N4BP2L1: variants seen among roughly 807,000 people sequenced by gnomAD.
The protein encoded by N4BP2L1 is NEDD4-binding protein 2-like 1.
N4BP2L1 carries 12 observed loss-of-function variants against 21.2 expected under a neutral mutation model. The ratio of observed to expected loss-of-function variants is 0.57; its 90% CI spans 0.36 to 0.92. N4BP2L1 has a LOEUF of 0.92. N4BP2L1 is among the 40% of genes least tolerant of loss of function. The probability of loss-of-function intolerance (pLI) is 0.01; values close to 1 mark genes in which losing one functional copy is unlikely to be tolerated. For missense variants in N4BP2L1, 259 were observed against 310.6 expected (o/e 0.83, Z 1.25); for synonymous variants, 104 against 112.8 (o/e 0.92, Z 0.49).
At chr13:32,406,036 G>C (rs1315494602) in intron 3 of N4BP2L1, among the ~76,000 whole-genome samples, 1 of 150,842 alleles carries the variant, frequency 6.6e-6, no homozygotes, top group Non-Finnish European at 1.5e-5. Flanking sequence ...CCCAGTAGCT[G>C]GGACTACAGG....
intron 1 of N4BP2L1, chr13:32,411,495 A>G: frequency 1.0e-6 from 1 of 984,218 alleles, no homozygotes; most frequent in Non-Finnish European, 1.2e-6. Flanking sequence ...GACAATCTTG[A>G]GATTCTCAAA....
At chr13:32,427,537 G>T (rs2074850256) in intron 1 of N4BP2L1, among the ~76,000 whole-genome samples, 1 of 152,222 alleles carries the variant, frequency 6.6e-6, no homozygotes, top group African/African-American at 2.4e-5. Context: ...CTTCGGCCCG[G>T]CTGGCCCCAG....
intron 1 of N4BP2L1, among the ~76,000 whole-genome samples, chr13:32,422,268 T>C (rs750273687): frequency 3.9e-5 from 6 of 152,188 alleles, no homozygotes; most frequent in Non-Finnish European, 7.3e-5. Context: ...CTCTTGTTTT[T>C]TCATTATACG....
chr13:32,427,836 G>C (rs940930216), intron 1 of N4BP2L1, 68 bp downstream of exon 1: 11 of 1,125,994 alleles, frequency 9.8e-6, no homozygotes, highest in Admixed American at 4.3e-5. Flanking sequence ...CTTGGGGCAG[G>C]GGTGCGCTCG....
At chr13:32,428,278 T>G, upstream of N4BP2L1, 1 of 435,836 alleles carries the variant, frequency 2.3e-6, no homozygotes, top group Non-Finnish European at 3.9e-6. Context: ...CTGGGGACGC[T>G]GGGAGACTCA....
intron 1 of N4BP2L1, among the ~76,000 whole-genome samples, chr13:32,415,201 G>A (rs1019611964): frequency 7.2e-5 from 11 of 152,072 alleles, no homozygotes; most frequent in Non-Finnish European, 1.6e-4. Context: ...TTCTTCAGAG[G>A]GCCTCCTAGT....
At position 32,428,089 on chromosome 13, in the gene N4BP2L1, G is replaced by A; in HGVS notation, c.-7C>T. On this transcript the variant is annotated 5_prime_UTR_variant, in exon 1 of 5. Coordinates refer to ENST00000380130, the MANE Select transcript of N4BP2L1 (RefSeq NM_052818.3). ...GAAGGAAACTGTCCTCCATGGGCAG[G>A]AGGGCTGGCTGCGAGAGCCCCGGGT... 2 of 1,446,632 alleles carry A rather than the reference G, an allele frequency of 1.4e-6. No individual in the cohort carries two copies. The highest frequency in any genetic ancestry group is 1.8e-6 in the Non-Finnish European group (2 of 1,097,274). The allele number at this position is 1,446,632 out of a possible 1,614,324, so 89.6% of individuals were successfully genotyped here.
chr13:32,412,570 T>G (rs1016899068), intron 1 of N4BP2L1, among the ~76,000 whole-genome samples: 1 of 148,502 alleles, frequency 6.7e-6, no homozygotes, highest in Non-Finnish European at 1.5e-5. Context: ...GAAATTGCAG[T>G]GAGCCAAGAC....
chr13:32,428,240 G>C (rs925238197), upstream of N4BP2L1: 4 of 626,418 alleles, frequency 6.4e-6, no homozygotes, highest in Non-Finnish European at 9.5e-6. Context: ...ACCGTGCTGC[G>C]TGGGAGGGGG....
chr13:32,403,358 G>GC (rs1156996457), intron 4 of N4BP2L1, among the ~76,000 whole-genome samples, 158 bp from the exon 5 acceptor site: 1 of 152,010 alleles, frequency 6.6e-6, no homozygotes, highest in Non-Finnish European at 1.5e-5. Flanking sequence ...TTCTCTTTCA[G>GC]CCTCCACTCA....
intron 1 of N4BP2L1, among the ~76,000 whole-genome samples, chr13:32,418,806 G>C (rs763399244): frequency 6.6e-6 from 1 of 152,200 alleles, no homozygotes; most frequent in Non-Finnish European, 1.5e-5. Context: ...TGGCTACCCT[G>C]CTGGATTTTG....
At chr13:32,416,957 C>T (rs1377454936) in intron 1 of N4BP2L1, among the ~76,000 whole-genome samples, 1 of 152,114 alleles carries the variant, frequency 6.6e-6, no homozygotes, top group East Asian at 1.9e-4. Context: ...GCTGGGATTA[C>T]AGGCGCGTGC....
rs2073141992 is a variant in N4BP2L1, at chr13:32,401,725, A to G, written c.*1217T>C. On this transcript the variant is annotated 3_prime_UTR_variant, in exon 5 of 5. Transcript: ENST00000380130. Reference sequence around the variant, plus strand: ...GAACCAAAAAAAGATCCAATGACAAATCCATATAAATGTGATACCATTTAC... The same window carrying G: ...GAACCAAAAAAAGATCCAATGACAAGTCCATATAAATGTGATACCATTTAC... 5.9e-6 allele frequency: 1 copy of G among 168,692 alleles called. No homozygotes were observed. The highest frequency in any genetic ancestry group is 1.2e-5 in the Non-Finnish European group (1 of 82,776). 10.4% of individuals were successfully genotyped at this position (168,692 alleles called of 1,614,324 possible).
At chr13:32,421,292 G>A (rs1270332404) in intron 1 of N4BP2L1, among the ~76,000 whole-genome samples, 1 of 152,174 alleles carries the variant, frequency 6.6e-6, no homozygotes, top group Non-Finnish European at 1.5e-5. Context: ...CCAATGCCAA[G>A]AAGAAAAGAA....
intron 1 of N4BP2L1, among the ~76,000 whole-genome samples, chr13:32,412,311 A>G (rs1445208098): frequency 6.6e-6 from 1 of 152,088 alleles, no homozygotes; most frequent in Admixed American, 6.6e-5. Flanking sequence ...TCTCCTATAT[A>G]TATTTTTGGA....
chr13:32,425,407 CGA>C (rs2074710059), intron 1 of N4BP2L1: 1 of 152,278 alleles, frequency 6.6e-6, no homozygotes, highest in Non-Finnish European at 1.5e-5. Flanking sequence ...CAATGCCCAG[CGA>C]AACGGGAGGA....
rs78411368 is a variant in N4BP2L1 at position 32,426,511 on chromosome 13, G to C, written c.179+1393C>G. Among the ~76,000 whole-genome samples, 1,450 of 152,264 alleles carry C rather than the reference G, an allele frequency of 9.5e-3. 26 individuals are homozygous for C. The highest frequency in any genetic ancestry group is 0.033 in the African/African-American group (1,385 of 41,530). On this transcript the variant is annotated intron_variant, in intron 1 of 4. Transcript: ENST00000380130. ...GGTCCTCCAGAAGTCACATGTCCCTGCAATTTGTGAAAATGTAGCAATATT... is the reference window on the plus strand; with the variant it reads ...GGTCCTCCAGAAGTCACATGTCCCTCCAATTTGTGAAAATGTAGCAATATT...
In N4BP2L1 at chr13:32,407,309, G is replaced by T; in HGVS notation, c.337C>A (p.Pro113Thr). 6.2e-7 allele frequency: 1 copy of T among 1,614,100 alleles called. No homozygotes were observed. Among genetic ancestry groups the T allele is most frequent in the Non-Finnish European group, 8.5e-7 (1 of 1,180,016 alleles). Residue 113 changes from proline (P) to threonine (T), a missense_variant, in exon 3 of 5, where the codon CCC becomes ACC. Physicochemically the swap from Pro to Thr is conservative, Grantham distance 38. Transcript: ENST00000380130. ...AGGTTGGTATTATCAATAATAATGG[G>T]GGATATGCCATTCCTCATTGCTTTT... ...ARKAMRNGIS[P>T]IIIDNTNLHA...
chr13:32,404,957 TATAA>T (rs1264834091), intron 3 of N4BP2L1, among the ~76,000 whole-genome samples: 1 of 152,188 alleles, frequency 6.6e-6, no homozygotes, highest in East Asian at 1.9e-4. Flanking sequence ...ATAATTTCCT[TATAA>T]ACATCCAAAT....
Sources: allele counts gnomAD v4.1 joint callset (sites outside exome capture counted in the v4.1 genomes callset), GRCh38; gene constraint gnomAD v4.1.1; transcripts MANE v1.5; gene names NCBI Gene and HGNC (gene_info 2026-07-23, HGNC 2026-07-21).